SYT14: variants seen among roughly 807,000 people sequenced by gnomAD.
SYT14 encodes the protein synaptotagmin-14.
Under a neutral mutation model 74.2 loss-of-function variants are expected in SYT14, and 32 were observed. The observed-to-expected ratio is 0.43, with a 90% confidence interval of 0.33 to 0.58. The LOEUF (loss-of-function observed/expected upper bound fraction) is 0.58, where lower values mean the gene tolerates loss of function less well. SYT14 is among the 20% of genes least tolerant of loss of function. SYT14 has a pLI of 0.05. For missense variants in SYT14, 791 were observed against 981.8 expected, an observed-to-expected ratio of 0.81 and a Z score of 2.60; for synonymous variants, 298 against 337.7, an observed-to-expected ratio of 0.88 and a Z score of 1.29.
intron 5 of SYT14, among the ~76,000 whole-genome samples, chr1:210,089,944 G>T (rs1231312811): frequency 1.3e-5 from 2 of 152,218 alleles, no homozygotes; most frequent in African/African-American, 4.8e-5. Context: ...ACCTCTAGCG[G>T]TTTCCCATTG....
At chr1:210,006,038 A>G (rs2079982134) in intron 2 of SYT14, among the ~76,000 whole-genome samples, 4 of 151,878 alleles carry the variant, frequency 2.6e-5, no homozygotes, top group Non-Finnish European at 4.4e-5. Flanking sequence ...CAACCTGTCC[A>G]GGTAGGTAAC....
At chr1:209,991,042 C>T (rs116643938) in intron 2 of SYT14, among the ~76,000 whole-genome samples, 1 of 152,126 alleles carries the variant, frequency 6.6e-6, no homozygotes, top group Non-Finnish European at 1.5e-5. Context: ...AAAGGACACC[C>T]TATTCAGTAA....
chr1:210,127,616 C>T (rs2082593045), intron 7 of SYT14, among the ~76,000 whole-genome samples: 1 of 152,186 alleles, frequency 6.6e-6, no homozygotes, highest in Non-Finnish European at 1.5e-5. Context: ...TGGTAGCGGT[C>T]TTCAAATTCA....
chr1:210,004,223 CT>C (rs2079950872), intron 2 of SYT14, among the ~76,000 whole-genome samples: 1 of 151,980 alleles, frequency 6.6e-6, no homozygotes, highest in Non-Finnish European at 1.5e-5. Flanking sequence ...TTGAATTTCA[CT>C]TTGTTTTGAT....
At chr1:210,162,358 A>C (rs1301263663) in exon 10 of SYT14, 4 of 440,802 alleles carry the variant, frequency 9.1e-6, no homozygotes, top group Non-Finnish European at 1.4e-5. Flanking sequence ...TTTCCTCTGA[A>C]GTATGTAAAA....
At chr1:210,145,011 G>C (rs1252319995) in intron 7 of SYT14, among the ~76,000 whole-genome samples, 1 of 152,142 alleles carries the variant, frequency 6.6e-6, no homozygotes, top group Admixed American at 6.6e-5. Context: ...TGATAGACTA[G>C]TAAGAAATCA....
At chr1:210,142,793 G>A (rs1418377372) in intron 7 of SYT14, among the ~76,000 whole-genome samples, 1 of 152,072 alleles carries the variant, frequency 6.6e-6, no homozygotes, top group Non-Finnish European at 1.5e-5. Flanking sequence ...ATTCACGGCA[G>A]ACTACACAGA....
intron 8 of SYT14, chr1:210,156,837 C>T: frequency 2.9e-6 from 1 of 346,164 alleles, no homozygotes; most frequent in Non-Finnish European, 6.2e-6. Flanking sequence ...GGACTACAGG[C>T]ACCCACCACC....
At chr1:210,147,682 A>G (rs2083069085) in intron 7 of SYT14, among the ~76,000 whole-genome samples, 1 of 152,216 alleles carries the variant, frequency 6.6e-6, no homozygotes, top group Admixed American at 6.5e-5. Flanking sequence ...AAGAAGAGAG[A>G]GATAAACATA....
At chr1:210,015,133 GAA>G (rs2080157751) in intron 3 of SYT14, among the ~76,000 whole-genome samples, 1 of 152,028 alleles carries the variant, frequency 6.6e-6, no homozygotes, top group Non-Finnish European at 1.5e-5. Flanking sequence ...AAAGTGGTGA[GAA>G]GAGTGATTTT....
chr1:210,164,110 A>G (rs1158066849), exon 10 of SYT14: 4 of 450,918 alleles, frequency 8.9e-6, no homozygotes, highest in Non-Finnish European at 1.8e-5. Flanking sequence ...TCAAATCAGT[A>G]AAGAATTTGT....
At chr1:210,160,823 T>C (rs1461579450) in exon 10 of SYT14, 2 of 1,614,014 alleles carry the variant, frequency 1.2e-6, no homozygotes, top group South Asian at 1.1e-5. Context: ...ATCCAGTATA[T>C]AAGGAAACTT....
intron 2 of SYT14, among the ~76,000 whole-genome samples, chr1:209,964,789 A>G (rs981193037): frequency 2.0e-5 from 3 of 152,178 alleles, no homozygotes; most frequent in African/African-American, 7.2e-5. Flanking sequence ...AGGGCTTGCC[A>G]TGTAAGCACC....
intron 2 of SYT14, among the ~76,000 whole-genome samples, chr1:209,981,450 C>CT (rs1183885685): frequency 0.62 from 61,322 of 99,254 alleles, 20,331 homozygotes; most frequent in Non-Finnish European, 0.72. Context: ...TTTTTCTTTT[C>CT]TTTTTTTTTT....
chr1:210,160,843 A>C (rs1435900572), exon 10 of SYT14: 1 of 1,614,012 alleles, frequency 6.2e-7, no homozygotes, highest in East Asian at 2.2e-5. Context: ...TTTGTCTTTC[A>C]AGTGGCCCTA....
At chr1:210,115,856 A>G (rs2082350139) in intron 7 of SYT14, among the ~76,000 whole-genome samples, 1 of 151,272 alleles carries the variant, frequency 6.6e-6, no homozygotes, top group African/African-American at 2.5e-5. Context: ...TTTCATGTGC[A>G]TCTGTGTGAA....
intron 7 of SYT14, among the ~76,000 whole-genome samples, chr1:210,151,761 A>G (rs1205228443): frequency 6.6e-6 from 1 of 152,196 alleles, no homozygotes. Flanking sequence ...ACTAAAATAG[A>G]ATGTGATCAA....
At chr1:210,091,704 C>T (rs1256696567) in intron 5 of SYT14, among the ~76,000 whole-genome samples, 1 of 152,104 alleles carries the variant, frequency 6.6e-6, no homozygotes, top group Non-Finnish European at 1.5e-5. Context: ...TTTCATCCTC[C>T]CTCCTGGATC....
At position 210,027,994 on chromosome 1, in the gene SYT14, C is replaced by G. The variant is rs1366096836; in HGVS notation, c.1312+6740C>G. Among the ~76,000 whole-genome samples the G allele has an allele frequency of 1.3e-5, 2 of 152,160 alleles. 1 individual carries two copies. The highest frequency in any genetic ancestry group is 4.8e-5 in the African/African-American group (2 of 41,448). On this transcript the variant is annotated intron_variant, in intron 5 of 9. Coordinates refer to ENST00000637265, the Ensembl canonical transcript of SYT14. ...TCACATTGTTGTACAACCATCACCA[C>G]TATTCCATCTCTAGGATTTTTTCAT...
Sources: allele counts gnomAD v4.1 joint callset (sites outside exome capture counted in the v4.1 genomes callset), GRCh38; gene constraint gnomAD v4.1.1; transcripts MANE v1.5; gene names NCBI Gene and HGNC (gene_info 2026-07-23, HGNC 2026-07-21).